Variants in PTPRM observed in about 807,000 individuals in gnomAD.
PTPRM encodes the protein receptor-type tyrosine-protein phosphatase mu.
In PTPRM, 47 loss-of-function variants were observed where a neutral mutation model predicts 186.7. The observed-to-expected ratio is 0.25, with a 90% CI of 0.20 to 0.32. The LOEUF is 0.32. PTPRM is among the 10% of genes least tolerant of loss of function. PTPRM has a pLI of 1.00. For synonymous variants in PTPRM, 668 were observed against 674.9 expected (o/e 0.99, Z 0.16); for missense variants, 1,494 against 1,865.0 (o/e 0.80, Z 3.66).
Position 7,863,861 on chromosome 18 carries a change from A to G in PTPRM, c.197-24245A>G, listed in dbSNP as rs140621798. Among the ~76,000 whole-genome samples, 296 of 152,032 alleles carry G rather than the reference A, an allele frequency of 1.9e-3. 2 individuals carry two copies. The East Asian group carries it at 0.022, about 11-fold the overall frequency. ...TTTCTCCACATCCTCTCCAGCATCT[A>G]TTGTTTCCTGAGTTTTTAATGGTCA... On this transcript the variant is annotated intron_variant, in intron 2 of 32. Transcript: ENST00000580170.
At chr18:8,313,988 A>G (rs2095289126) in intron 20 of PTPRM, among the ~76,000 whole-genome samples, 1 of 152,204 alleles carries the variant, frequency 6.6e-6, no homozygotes, top group Non-Finnish European at 1.5e-5. Context: ...CCATTTCTGA[A>G]AAAAATTAAG....
intron 24 of PTPRM, among the ~76,000 whole-genome samples, chr18:8,374,629 A>G (rs1313056216): frequency 6.6e-6 from 1 of 152,256 alleles, no homozygotes; most frequent in Non-Finnish European, 1.5e-5. Flanking sequence ...CTGGGATCAC[A>G]GAGCCTATTT....
intron 14 of PTPRM, among the ~76,000 whole-genome samples, chr18:8,153,740 A>G (rs1377148175): frequency 6.6e-6 from 1 of 152,218 alleles, no homozygotes; most frequent in Non-Finnish European, 1.5e-5. Context: ...CAGAAAAGTT[A>G]AAGCATAACA....
At chr18:7,719,343 C>A (rs774115632) in intron 1 of PTPRM, among the ~76,000 whole-genome samples, 1 of 143,756 alleles carries the variant, frequency 7.0e-6, no homozygotes, top group Non-Finnish European at 1.5e-5. Context: ...TATCAGGATG[C>A]AAAGGCATGA....
chr18:8,280,411 G>T lies in PTPRM; in HGVS notation c.2755-15957G>T, dbSNP rs536724248. On this transcript the variant is annotated intron_variant, in intron 19 of 32. Coordinates refer to ENST00000580170, the MANE Select transcript of PTPRM (RefSeq NM_001105244.2). ...TTGATATGAATTTGTGGTCGGGGGTGGGGGGGGGGTCACAATTCAGCCTGT... is the reference window on the plus strand; with the variant it reads ...TTGATATGAATTTGTGGTCGGGGGTTGGGGGGGGGTCACAATTCAGCCTGT... Among the ~76,000 whole-genome samples the T allele has an allele frequency of 7.0e-3, 60 of 8,614 alleles. 1 individual carries two copies. The highest frequency in any genetic ancestry group is 0.012 in the Non-Finnish European group (44 of 3,538). The allele number at this position is 8,614 out of a possible 152,430, so 5.7% of individuals were successfully genotyped here. A position where few individuals can be genotyped will look rare whatever the true frequency, so the allele number is the denominator to read the frequency against.
intron 5 of PTPRM, among the ~76,000 whole-genome samples, chr18:7,942,441 G>T (rs989831677): frequency 6.6e-6 from 1 of 152,094 alleles, no homozygotes; most frequent in Admixed American, 6.5e-5. Context: ...AATAAGCGGG[G>T]TGCACTGAAC....
intron 1 of PTPRM, among the ~76,000 whole-genome samples, chr18:7,697,063 G>A (rs1478970637): frequency 6.6e-6 from 1 of 152,146 alleles, no homozygotes; most frequent in East Asian, 1.9e-4. Flanking sequence ...TTATTAAAGG[G>A]AAACCTGCCA....
intron 7 of PTPRM, among the ~76,000 whole-genome samples, chr18:7,993,105 G>A (rs1596383): frequency 0.65 from 97,674 of 151,272 alleles, 31,798 homozygotes; most frequent in African/African-American, 0.73. Flanking sequence ...GACACCTTCA[G>A]CAGTGGATTA....
intron 1 of PTPRM, among the ~76,000 whole-genome samples, chr18:7,726,728 A>G (rs2040557416): frequency 6.6e-6 from 1 of 152,278 alleles, no homozygotes; most frequent in South Asian, 2.1e-4. Context: ...TCCAAACTGG[A>G]CTGTAATGTG....
In PTPRM at chr18:8,023,831, G is replaced by GACACACACACACACACACACACAC. The variant is rs71354587; in HGVS notation, c.1133-45838_1133-45815dup. Among the ~76,000 whole-genome samples, 140 of 110,274 alleles carry GACACACACACACACACACACACAC rather than the reference G, an allele frequency of 1.3e-3. 5 individuals are homozygous for GACACACACACACACACACACACAC. Among genetic ancestry groups the GACACACACACACACACACACACAC allele is most frequent in the African/African-American group, 4.0e-3 (131 of 32,470 alleles). 72.3% of individuals were successfully genotyped at this position (110,274 alleles called of 152,430 possible). A position where few individuals can be genotyped will look rare whatever the true frequency, so the allele number is the denominator to read the frequency against. On this transcript the variant is annotated intron_variant, in intron 7 of 32. Transcript: ENST00000580170. The stretch of plus-strand genomic sequence containing the variant: ...CAATTTAAATGGTAAATTATCAGAA[G>GACACACACACACACACACACACAC]ACACACACACACACACACACACACA...
intron 19 of PTPRM, among the ~76,000 whole-genome samples, chr18:8,267,291 T>A (rs1411522109): frequency 6.6e-6 from 1 of 152,184 alleles, no homozygotes; most frequent in East Asian, 1.9e-4. Flanking sequence ...TGGTTGCTTT[T>A]ATTTTTTTTC....
intron 2 of PTPRM, among the ~76,000 whole-genome samples, chr18:7,843,852 G>A (rs1226426957): frequency 6.6e-6 from 1 of 152,176 alleles, no homozygotes; most frequent in Non-Finnish European, 1.5e-5. Context: ...GAGGTCTCAA[G>A]TACCAGGGCC....
At chr18:8,247,540 C>T (rs1055649573) in intron 15 of PTPRM, among the ~76,000 whole-genome samples, 1 of 152,148 alleles carries the variant, frequency 6.6e-6, no homozygotes, top group African/African-American at 2.4e-5. Flanking sequence ...TTTCTATAAG[C>T]AAAGGGCAGA....
intron 19 of PTPRM, among the ~76,000 whole-genome samples, chr18:8,285,587 G>A (rs2094947965): frequency 6.6e-6 from 1 of 152,234 alleles, no homozygotes; most frequent in Non-Finnish European, 1.5e-5. Context: ...AGCCAAAGAA[G>A]GGCCTGGCCT....
At chr18:8,230,391 G>T (rs548706679) in intron 14 of PTPRM, among the ~76,000 whole-genome samples, 1 of 152,194 alleles carries the variant, frequency 6.6e-6, no homozygotes, top group African/African-American at 2.4e-5. Context: ...TAAAGTCCAA[G>T]CTGGGAACTT....
intron 19 of PTPRM, among the ~76,000 whole-genome samples, chr18:8,288,997 T>C (rs959070842): frequency 3.9e-5 from 6 of 152,156 alleles, no homozygotes; most frequent in Non-Finnish European, 8.8e-5. Context: ...CCAGGGTGAC[T>C]TCAGAGTGCC....
chr18:8,302,343 G>T (rs1263957275), intron 20 of PTPRM, among the ~76,000 whole-genome samples: 2 of 152,240 alleles, frequency 1.3e-5, no homozygotes, highest in East Asian at 3.9e-4. Flanking sequence ...TGGGTCTGAA[G>T]AACTAAAGGA....
intron 7 of PTPRM, among the ~76,000 whole-genome samples, chr18:7,961,845 T>A (rs1333519559): frequency 6.6e-6 from 1 of 152,258 alleles, no homozygotes; most frequent in Non-Finnish European, 1.5e-5. Flanking sequence ...TGAGTTTTAA[T>A]ATCTGTCTGC....
chr18:7,936,212 C>A (rs2051797123), intron 5 of PTPRM, among the ~76,000 whole-genome samples: 1 of 152,162 alleles, frequency 6.6e-6, no homozygotes, highest in Non-Finnish European at 1.5e-5. Flanking sequence ...GGCTGCAGAC[C>A]CAGCATCCCT....
Sources: allele counts gnomAD v4.1 joint callset (sites outside exome capture counted in the v4.1 genomes callset), GRCh38; gene constraint gnomAD v4.1.1; transcripts MANE v1.5; gene names NCBI Gene and HGNC (gene_info 2026-07-23, HGNC 2026-07-21).